The following COMMD10 variants were observed in gnomAD, a reference collection of about 807,000 sequenced individuals.
COMMD10 encodes COMM domain-containing protein 10.
COMMD10 carries 33 observed loss-of-function variants against 28.9 expected under a neutral mutation model. The observed-to-expected ratio is 1.14, with a 90% confidence interval of 0.87 to 1.53. The LOEUF is 1.53. Among genes scored for constraint, COMMD10 ranks in the 40% most tolerant of loss-of-function variants. The pLI is 0.00. For synonymous variants in COMMD10, 110 were observed against 81.7 expected (o/e 1.35, Z -1.87); for missense variants, 310 against 233.4 (o/e 1.33, Z -2.14).
At chr5:116,161,279 A>C (rs535195901) in intron 5 of COMMD10, among the ~76,000 whole-genome samples, 1 of 152,318 alleles carries the variant, frequency 6.6e-6, no homozygotes, top group African/African-American at 2.4e-5. Context: ...GTGAATGCTT[A>C]TCTCCTAGGG....
In COMMD10 at chr5:116,090,899, A is replaced by C. The variant is rs771475028; in HGVS notation, c.133-180A>C. On this transcript the variant is annotated intron_variant, in intron 2 of 6. Transcript: ENST00000274458. ...TTGTTTAATCTAATTTATTTTGTTT[A>C]CAAAGGTCTAGAAATGAGCATCATA... Among the ~76,000 whole-genome samples, 7 of 152,252 alleles carry C rather than the reference A, an allele frequency of 4.6e-5. 1 individual carries two copies. The highest frequency in any genetic ancestry group is 1.0e-4 in the Non-Finnish European group (7 of 68,042).
intron 5 of COMMD10, among the ~76,000 whole-genome samples, chr5:116,224,848 C>T (rs1749351270): frequency 6.6e-6 from 1 of 152,136 alleles, no homozygotes; most frequent in Non-Finnish European, 1.5e-5. Context: ...ACTTTAAATG[C>T]TGATGAGTAT....
At chr5:116,248,793 G>A (rs1347419511) in intron 5 of COMMD10, among the ~76,000 whole-genome samples, 1 of 151,878 alleles carries the variant, frequency 6.6e-6, no homozygotes, top group African/African-American at 2.4e-5. Context: ...CATGTATGTT[G>A]CTATCTCTTG....
At chr5:116,125,308 A>C (rs1751585900) in intron 4 of COMMD10, among the ~76,000 whole-genome samples, 1 of 152,114 alleles carries the variant, frequency 6.6e-6, no homozygotes, top group Admixed American at 6.6e-5. Flanking sequence ...TTCACATATG[A>C]AGTTTATTTT....
intron 5 of COMMD10, among the ~76,000 whole-genome samples, chr5:116,230,853 C>CGT (rs138073988): frequency 0.041 from 6,291 of 151,856 alleles, 204 homozygotes; most frequent in African/African-American, 0.078. Flanking sequence ...ATAAATAATA[C>CGT]GTGTGTGTGT....
intron 5 of COMMD10, among the ~76,000 whole-genome samples, chr5:116,283,887 T>C (rs1751145059): frequency 6.6e-6 from 1 of 151,808 alleles, no homozygotes; most frequent in African/African-American, 2.4e-5. Context: ...CCCAACACTT[T>C]GGGAGGCTAA....
At chr5:116,235,064 T>C (rs1357278364) in intron 5 of COMMD10, among the ~76,000 whole-genome samples, 1 of 152,192 alleles carries the variant, frequency 6.6e-6, no homozygotes, top group Non-Finnish European at 1.5e-5. Flanking sequence ...ATCATTTGTA[T>C]AATATAATTT....
chr5:116,092,030 A>G (rs184096467), intron 3 of COMMD10, among the ~76,000 whole-genome samples: 176 of 152,328 alleles, frequency 1.2e-3, no homozygotes, highest in African/African-American at 4.1e-3. Flanking sequence ...TGAGTAGGAC[A>G]GCATAGCATG....
intron 5 of COMMD10, among the ~76,000 whole-genome samples, chr5:116,285,987 G>A (rs951696997): frequency 2.6e-5 from 4 of 151,792 alleles, no homozygotes; most frequent in African/African-American, 9.7e-5. Flanking sequence ...AAGCCATCTG[G>A]TCCTGGGCAT....
At chr5:116,210,685 T>C (rs1748939294) in intron 5 of COMMD10, among the ~76,000 whole-genome samples, 1 of 152,116 alleles carries the variant, frequency 6.6e-6, no homozygotes, top group Non-Finnish European at 1.5e-5. Context: ...TCAGAATATA[T>C]GCTAAATGCA....
intron 5 of COMMD10, among the ~76,000 whole-genome samples, chr5:116,212,114 C>T (rs1748981862): frequency 6.6e-6 from 1 of 152,100 alleles, no homozygotes; most frequent in South Asian, 2.1e-4. Context: ...CTGAACACAA[C>T]TTGATAAATA....
rs73271254 is a variant in COMMD10, at chr5:116,115,175, T to G, written c.400-18893T>G. ...AGGGTGTGTTATTTCCCTATAGCAG[T>G]TCCTTTATACAGTCTCCTGGTTGCT... On this transcript the variant is annotated intron_variant, in intron 4 of 6. Transcript: ENST00000274458. 7.9e-3 allele frequency among the ~76,000 whole-genome samples: 1,209 copies of G among 152,212 alleles called. 16 individuals are homozygous for G. Among genetic ancestry groups the G allele is most frequent in the African/African-American group, 0.027 (1,115 of 41,528 alleles).
At chr5:116,247,736 C>T (rs1749990857) in intron 5 of COMMD10, among the ~76,000 whole-genome samples, 1 of 151,968 alleles carries the variant, frequency 6.6e-6, no homozygotes, top group Non-Finnish European at 1.5e-5. Flanking sequence ...CACATGTTCT[C>T]CCTTATAAGT....
intron 4 of COMMD10, among the ~76,000 whole-genome samples, chr5:116,127,560 A>T (rs1303609687): frequency 6.6e-6 from 1 of 152,218 alleles, no homozygotes; most frequent in Non-Finnish European, 1.5e-5. Flanking sequence ...GATTAAGAAA[A>T]TGTGGCACAT....
intron 4 of COMMD10, among the ~76,000 whole-genome samples, chr5:116,111,546 T>C (rs1457476012): frequency 6.6e-6 from 1 of 151,452 alleles, no homozygotes; most frequent in African/African-American, 2.4e-5. Context: ...CAGGGGCATA[T>C]TGTTTAATTT....
chr5:116,248,574 G>GTTTTTTT (rs1248267726), intron 5 of COMMD10, among the ~76,000 whole-genome samples: 1 of 151,790 alleles, frequency 6.6e-6, no homozygotes, highest in Admixed American at 6.6e-5. Flanking sequence ...GTTTTGTTTT[G>GTTTTTTT]TTTTAATACA....
At chr5:116,228,597 T>G (rs77564939) in intron 5 of COMMD10, among the ~76,000 whole-genome samples, 15,894 of 151,988 alleles carry the variant, frequency 0.1, 915 homozygotes, top group African/African-American at 0.15. Context: ...CAGTTAAACC[T>G]GAAGAAATAA....
intron 4 of COMMD10, among the ~76,000 whole-genome samples, chr5:116,108,515 C>T (rs537193727): frequency 6.6e-6 from 1 of 152,344 alleles, no homozygotes; most frequent in East Asian, 1.9e-4. Context: ...CTACTCAAGC[C>T]TCAGCAATGG....
intron 5 of COMMD10, among the ~76,000 whole-genome samples, chr5:116,290,858 G>C (rs1261439383): frequency 6.6e-6 from 1 of 152,126 alleles, no homozygotes; most frequent in African/African-American, 2.4e-5. Flanking sequence ...GTTGGGTTTA[G>C]TTTAATATCA....
Sources: allele counts gnomAD v4.1 joint callset (sites outside exome capture counted in the v4.1 genomes callset), GRCh38; gene constraint gnomAD v4.1.1; transcripts MANE v1.5; gene names NCBI Gene and HGNC (gene_info 2026-07-23, HGNC 2026-07-21).